ZNF749: variants seen among roughly 807,000 people sequenced by gnomAD.
ZNF749 encodes the protein zinc finger protein 749.
In ZNF749, 8 loss-of-function variants were observed where a neutral mutation model predicts 7.3. The ratio of observed to expected loss-of-function variants is 1.10; its 90% CI spans 0.64 to 1.98. The LOEUF (loss-of-function observed/expected upper bound fraction) is 1.98, where lower values mean the gene tolerates loss of function less well. ZNF749 is among the 30% of genes most tolerant of loss of function. ZNF749 has a pLI of 0.00. For missense variants in ZNF749, 898 were observed against 932.4 expected, an observed-to-expected ratio of 0.96 and a Z score of 0.48; for synonymous variants, 310 against 322.4, an observed-to-expected ratio of 0.96 and a Z score of 0.41.
Position 57,442,641 on chromosome 19 carries a change from G to A in ZNF749, c.142+630G>A, listed in dbSNP as rs2089003981. ...GGATAGTCCTCTATTAATGGCAAGA[G>A]ACACTCAGAAGGACTTGGCCCTGGT... On this transcript the variant is annotated intron_variant, in intron 2 of 2. Transcript: ENST00000334181. This position sits in a 1 kb window ranked among gnomAD's most constrained non-coding sequence, Gnocchi z 6.6. Among the ~76,000 whole-genome samples, 1 of 152,178 alleles carries A rather than the reference G, an allele frequency of 6.6e-6. No homozygotes were observed. Among genetic ancestry groups the A allele is most frequent in the East Asian group, 1.9e-4 (1 of 5,188 alleles).
rs958723688 is a variant in ZNF749 at position 57,445,001 on chromosome 19, G to T, written c.1853G>T (p.Gly618Val). ...GEKPYKCSKCGKFFRYRCTLS... is the reference protein window; with the variant it reads ...GEKPYKCSKCVKFFRYRCTLS... ...AAGCCTTATAAATGCAGCAAATGTGGGAAATTCTTTAGATATCGCTGTACA... is the reference window on the plus strand; with the variant it reads ...AAGCCTTATAAATGCAGCAAATGTGTGAAATTCTTTAGATATCGCTGTACA... Residue 618 changes from glycine (G) to valine (V), a missense_variant, in exon 3 of 3, where the codon GGG (glycine) becomes GTG (valine). Physicochemically the swap from Gly to Val is moderately radical, Grantham distance 109. Coordinates refer to ENST00000334181, the MANE Select transcript of ZNF749 (RefSeq NM_001023561.4). 2 of 1,614,044 alleles carry T rather than the reference G, an allele frequency of 1.2e-6. No homozygotes were observed. Among genetic ancestry groups the T allele is most frequent in the Non-Finnish European group, 1.7e-6 (2 of 1,180,030 alleles).
intron 1 of ZNF749, among the ~76,000 whole-genome samples, chr19:57,440,730 G>A (rs530024211): frequency 2.2e-4 from 34 of 152,080 alleles, no homozygotes; most frequent in Non-Finnish European, 4.4e-4. Context: ...GCATGAATGC[G>A]TGGTCCCAGC....
Position 57,435,339 on chromosome 19 carries a change from C to T in ZNF749, c.-240C>T, listed in dbSNP as rs1173114514. 6.5e-6 allele frequency: 4 copies of T among 614,782 alleles called. No homozygotes were observed. Among genetic ancestry groups the T allele is most frequent in the Non-Finnish European group, 1.1e-5 (4 of 350,020 alleles). 38.1% of individuals were successfully genotyped at this position (614,782 alleles called of 1,614,324 possible). The stretch of plus-strand genomic sequence containing the variant: ...GTGTGGGCGGGACTTCTGGCGGCGC[C>T]CTCATGGTTGCGTTAGCATGGCTAC... On this transcript the variant is annotated 5_prime_UTR_variant, in exon 1 of 3. Transcript: ENST00000334181.
rs2089061703 is a variant in ZNF749 at position 57,446,021 on chromosome 19, A to G, written c.*536A>G. Among the ~76,000 whole-genome samples the G allele has an allele frequency of 2.0e-5, 3 of 152,240 alleles. No individual in the cohort carries two copies. ...TTAACTGTACTGTTCAGTAGTGTTA[A>G]GTCATTCGCATTGTTGTCAATTAAT... On this transcript the variant is annotated 3_prime_UTR_variant, in exon 3 of 3. Transcript: ENST00000334181.
At position 57,445,188 on chromosome 19, in the gene ZNF749, C is replaced by T; in HGVS notation, c.2040C>T (p.Arg680=). 1 of 1,614,154 alleles carries T rather than the reference C, an allele frequency of 6.2e-7. No homozygotes were observed. Among genetic ancestry groups the T allele is most frequent in the South Asian group, 1.1e-5 (1 of 91,080 alleles). ...CSNCGKFLRY[R]STFIKHHKVC... ...ACTGTGGGAAGTTTCTTAGATACCG[C>T]TCTACATTCATTAAACATCATAAAG... Residue 680 remains arginine, a synonymous_variant, in exon 3 of 3, where the codon CGC becomes CGT. Coordinates refer to ENST00000334181, the MANE Select transcript of ZNF749 (RefSeq NM_001023561.4).
In ZNF749 at chr19:57,443,493, A is replaced by G; in HGVS notation, c.345A>G (p.Ala115=). The stretch of plus-strand genomic sequence containing the variant: ...CTGAGCAAGGGCTGTACACATGTGC[A>G]GCAGAGCATGACCTGCACCAAAAGG... ...THPEQGLYTC[A]AEHDLHQKEQ... The change falls in exon 3 of 3, where the codon GCA becomes GCG. Residue 115 remains alanine, a synonymous_variant. Coordinates refer to ENST00000334181, the MANE Select transcript of ZNF749 (RefSeq NM_001023561.4). The G allele has an allele frequency of 1.2e-6, 2 of 1,614,232 alleles. No individual in the cohort carries two copies. The highest frequency in any genetic ancestry group is 1.7e-5 in the Admixed American group (1 of 60,030).
upstream of ZNF749, among the ~76,000 whole-genome samples, chr19:57,431,037 T>TC (rs2088896719): frequency 1.9e-5 from 1 of 51,462 alleles, no homozygotes; most frequent in African/African-American, 6.2e-5. Context: ...GGACTCTGTC[T>TC]CAAAAAAAAA....
chr19:57,433,474 C>T (rs1270844856), upstream of ZNF749, among the ~76,000 whole-genome samples: 1 of 152,118 alleles, frequency 6.6e-6, no homozygotes, highest in Non-Finnish European at 1.5e-5. Context: ...ATTTCTCACA[C>T]CTAAATAAGG....
Position 57,444,947 on chromosome 19 carries a change from T to G in ZNF749, c.1799T>G (p.Val600Gly). Residue 600 changes from valine (V) to glycine (G), a missense_variant, in exon 3 of 3, where the codon GTT becomes GGT. Coordinates refer to ENST00000334181, the MANE Select transcript of ZNF749 (RefSeq NM_001023561.4). ...TTCTTTTTGGACAGCTACAAACTTG[T>G]TATTCATCAGAGAATTCACACTGGA... ...GKFFLDSYKLVIHQRIHTGEK... is the reference protein window; with the variant it reads ...GKFFLDSYKLGIHQRIHTGEK... The G allele has an allele frequency of 1.2e-6, 2 of 1,613,568 alleles. No homozygotes were observed. The highest frequency in any genetic ancestry group is 4.5e-5 in the East Asian group (2 of 44,882).
chr19:57,441,493 C>T (rs1479198115), intron 1 of ZNF749, among the ~76,000 whole-genome samples: 1 of 151,926 alleles, frequency 6.6e-6, no homozygotes, highest in Non-Finnish European at 1.5e-5. Context: ...TGCACCAGGC[C>T]ACGGGAAATA....
chr19:57,433,039 G>A (rs1316373814), upstream of ZNF749, among the ~76,000 whole-genome samples: 2 of 151,906 alleles, frequency 1.3e-5, no homozygotes, highest in Non-Finnish European at 2.9e-5. Flanking sequence ...GCAAGCAGAG[G>A]TGTAAAAAGC....
At chr19:57,435,769 A>C in intron 1 of ZNF749, 176 bp downstream of exon 1, 1 of 1,289,774 alleles carries the variant, frequency 7.8e-7, no homozygotes, top group South Asian at 1.5e-5. Context: ...GGAGACCGAC[A>C]CGTCTCTGGG....
In ZNF749 at chr19:57,444,125, A is replaced by G. The variant is rs765117537; in HGVS notation, c.977A>G (p.Tyr326Cys). The change falls in exon 3 of 3, where the codon TAT becomes TGT. Residue 326 changes from tyrosine (Y) to cysteine (C), a missense_variant. Coordinates refer to ENST00000334181, the MANE Select transcript of ZNF749 (RefSeq NM_001023561.4). ...AAAACCCATACTGGAGAACAGCCCT[A>G]TGAATGCAACAAGTGTGGGAAGTTT... ...HQKTHTGEQP[Y>C]ECNKCGKFFM... The G allele has an allele frequency of 2.4e-5, 38 of 1,613,892 alleles. No homozygotes were observed. The highest frequency in any genetic ancestry group is 3.2e-5 in the Non-Finnish European group (38 of 1,179,998).
Position 57,444,311 on chromosome 19 carries a change from G to A in ZNF749, c.1163G>A (p.Gly388Glu). ...GERPFECSIC[G>E]KFFSHRSTLN... Reference sequence around the variant, plus strand: ...AGGCCTTTTGAATGCAGCATATGTGGAAAATTCTTTAGTCACCGCTCCACA... The same window carrying A: ...AGGCCTTTTGAATGCAGCATATGTGAAAAATTCTTTAGTCACCGCTCCACA... The change falls in exon 3 of 3, where the codon GGA becomes GAA. Residue 388 changes from glycine to glutamate, a missense_variant. By Grantham distance (98) the Gly-to-Glu change is moderately conservative. Coordinates refer to ENST00000334181, the MANE Select transcript of ZNF749 (RefSeq NM_001023561.4). 6.2e-7 allele frequency: 1 copy of A among 1,614,168 alleles called. No homozygotes were observed. The highest frequency in any genetic ancestry group is 1.1e-5 in the South Asian group (1 of 91,072).
intron 1 of ZNF749, chr19:57,438,493 TC>T: frequency 5.9e-6 from 1 of 169,714 alleles, no homozygotes; most frequent in South Asian, 1.5e-4. Context: ...TCTACGTTCG[TC>T]CCCCTTCATT....
In ZNF749 at chr19:57,444,359, A is replaced by C. The variant is rs1293273379; in HGVS notation, c.1211A>C (p.His404Pro). The C allele has an allele frequency of 6.2e-7, 1 of 1,614,182 alleles. No homozygotes were observed. The change falls in exon 3 of 3, where the codon CAT becomes CCT. Residue 404 changes from histidine (H) to proline (P), a missense_variant. His to Pro is a moderately conservative substitution (Grantham distance 77). Coordinates refer to ENST00000334181, the MANE Select transcript of ZNF749 (RefSeq NM_001023561.4). ...ACACTCAATATGCACCAGAGAGTTC[A>C]TGCTGGCAAAAGGCTTTATAAGTGT... ...RSTLNMHQRV[H>P]AGKRLYKCSE...
Position 57,443,743 on chromosome 19 carries a change from A to C in ZNF749, c.595A>C (p.Ser199Arg). The change falls in exon 3 of 3, where the codon AGC becomes CGC. Residue 199 changes from serine (S) to arginine (R), a missense_variant. By Grantham distance (110) the Ser-to-Arg change is moderately radical (BLOSUM62 -1). Transcript: ENST00000334181. ...FQGEQNDFNS[S>R]QGGKDFCHQH... ...AGGTGAACAGAATGATTTCAACTCC[A>C]GCCAAGGTGGGAAAGACTTTTGCCA... The C allele has an allele frequency of 6.2e-7, 1 of 1,614,212 alleles. No homozygotes were observed. The highest frequency in any genetic ancestry group is 8.5e-7 in the Non-Finnish European group (1 of 1,180,014).
Position 57,439,071 on chromosome 19 carries a change from G to A in ZNF749, c.16-2814G>A, listed in dbSNP as rs1324699387. 2.6e-5 allele frequency among the ~76,000 whole-genome samples: 4 copies of A among 152,144 alleles called. No individual in the cohort carries two copies. Among genetic ancestry groups the A allele is most frequent in the African/African-American group, 7.2e-5 (3 of 41,440 alleles). On this transcript the variant is annotated intron_variant, in intron 1 of 2. Coordinates refer to ENST00000334181, the MANE Select transcript of ZNF749 (RefSeq NM_001023561.4). The surrounding 1 kb of genome is among the most constrained non-coding windows in gnomAD (Gnocchi z 4.3). ...CTGAGGGCGATGGTAACTAGGGAAG[G>A]TTTGAGGAGGGGGGAAAAAGAGGTG...
rs968810134 is a variant in ZNF749, at chr19:57,442,784, C to T, written c.143-507C>T. On this transcript the variant is annotated intron_variant, in intron 2 of 2. Coordinates refer to ENST00000334181, the MANE Select transcript of ZNF749 (RefSeq NM_001023561.4). This position sits in a 1 kb window ranked among gnomAD's most constrained non-coding sequence, Gnocchi z 6.6. Reference sequence around the variant, plus strand: ...CTGGCCACTCGTCACTCTTCCTTTCCTTCCCTGTTGTTATTTTTACTCTGA... The same window carrying T: ...CTGGCCACTCGTCACTCTTCCTTTCTTTCCCTGTTGTTATTTTTACTCTGA... Among the ~76,000 whole-genome samples, 1 of 152,122 alleles carries T rather than the reference C, an allele frequency of 6.6e-6. No individual in the cohort carries two copies. Among genetic ancestry groups the T allele is most frequent in the African/African-American group, 2.4e-5 (1 of 41,412 alleles).
Sources: gnomAD v4.1 joint callset for allele counts (sites outside exome capture counted in the v4.1 genomes callset) on GRCh38, gnomAD v4.1.1 for gene constraint, Gnocchi (gnomAD v3.1) non-coding constraint, MANE v1.5 for transcripts, NCBI Gene and HGNC (gene_info 2026-07-23, HGNC 2026-07-21) for gene names.